Variants in CSMD1 observed in about 807,000 individuals in gnomAD.
CSMD1 encodes the protein CUB and sushi domain-containing protein 1.
CSMD1 carries 213 observed loss-of-function variants against 417.5 expected under a neutral mutation model. The ratio of observed to expected loss-of-function variants is 0.51; its 90% confidence interval spans 0.46 to 0.57. The LOEUF (loss-of-function observed/expected upper bound fraction) is 0.57. Among genes scored for constraint, CSMD1 ranks in the 20% least tolerant of loss-of-function variants. The probability of loss-of-function intolerance (pLI) is 0.00; values close to 1 mark genes in which losing one functional copy is unlikely to be tolerated. For synonymous variants in CSMD1, 2,862 were observed against 1,736.8 expected (o/e 1.65, Z -16.11); for missense variants, 6,923 against 4,529.7 (o/e 1.53, Z -15.17).
intron 3 of CSMD1, among the ~76,000 whole-genome samples, chr8:4,050,832 T>C (rs1798387179): frequency 6.6e-6 from 1 of 152,196 alleles, no homozygotes; most frequent in Non-Finnish European, 1.5e-5. Context: ...TGCCAATTTT[T>C]AAAATTTTAG....
At chr8:4,163,963 T>G (rs935942470) in intron 3 of CSMD1, among the ~76,000 whole-genome samples, 1 of 152,154 alleles carries the variant, frequency 6.6e-6, no homozygotes, top group Non-Finnish European at 1.5e-5. Context: ...TCAAATTAAT[T>G]TTAGGGTGGT....
chr8:4,065,924 T>C (rs891546966), intron 3 of CSMD1, among the ~76,000 whole-genome samples: 2 of 151,998 alleles, frequency 1.3e-5, no homozygotes, highest in African/African-American at 4.8e-5. Context: ...CAGGGAAAAA[T>C]GAGAGTTAGA....
chr8:4,127,856 G>T (rs556968656), intron 3 of CSMD1, among the ~76,000 whole-genome samples: 1 of 152,092 alleles, frequency 6.6e-6, no homozygotes, highest in Non-Finnish European at 1.5e-5. Flanking sequence ...TTTTGCAGAT[G>T]AAGAAACCCA....
rs151063631 is a variant in CSMD1 at position 4,958,034 on chromosome 8, G to C, written c.85+36298C>G. 3.9e-3 allele frequency among the ~76,000 whole-genome samples: 597 copies of C among 152,286 alleles called. 4 individuals carry two copies. Among genetic ancestry groups the C allele is most frequent in the East Asian group, 4.6e-3 (24 of 5,180 alleles). The stretch of plus-strand genomic sequence containing the variant: ...TTCAAGTCACGACGTTGAGGAGAAA[G>C]CATCTTTAGCATTCATTTGATAAGA... On this transcript the variant is annotated intron_variant, in intron 1 of 69. Transcript: ENST00000635120.
chr8:3,694,617 G>A (rs573999537), intron 7 of CSMD1, among the ~76,000 whole-genome samples: 1 of 151,992 alleles, frequency 6.6e-6, no homozygotes, highest in African/African-American at 2.4e-5. Flanking sequence ...GAAGGACCCA[G>A]CCCTGGGCAT....
chr8:4,185,454 A>T (rs1272270731), intron 3 of CSMD1, among the ~76,000 whole-genome samples: 19 of 152,170 alleles, frequency 1.2e-4, no homozygotes, highest in Admixed American at 1.2e-3. Flanking sequence ...TTTTAAAAAC[A>T]GCATACACCA....
chr8:4,227,152 T>G lies in CSMD1; in HGVS notation c.415+192801A>C, dbSNP rs532296074. ...AAGGGTTTTTTAGCCCAGAAAGCAC[T>G]CAGGCTGCCTCTTTGCCTGCCCTCA... On this transcript the variant is annotated intron_variant, in intron 3 of 69. Transcript: ENST00000635120. Among the ~76,000 whole-genome samples the G allele has an allele frequency of 3.9e-5, 6 of 152,216 alleles. No homozygotes were observed. The East Asian group carries it at 1.2e-3, about 29-fold the overall frequency.
At chr8:3,626,543 TATA>T (rs1266515195) in intron 7 of CSMD1, among the ~76,000 whole-genome samples, 5 of 151,796 alleles carry the variant, frequency 3.3e-5, no homozygotes, top group African/African-American at 1.2e-4. Flanking sequence ...TTATGTAAAA[TATA>T]ATAATTAAAT....
chr8:4,959,030 A>T (rs2117322125), intron 1 of CSMD1, among the ~76,000 whole-genome samples: 1 of 152,346 alleles, frequency 6.6e-6, no homozygotes, highest in East Asian at 1.9e-4. Flanking sequence ...GAGATTATCA[A>T]GCCATGCTAT....
At position 4,004,662 on chromosome 8, in the gene CSMD1, G is replaced by C. The variant is rs147138378; in HGVS notation, c.611-6552C>G. Among the ~76,000 whole-genome samples, 467 of 152,128 alleles carry C rather than the reference G, an allele frequency of 3.1e-3. 13 individuals carry two copies. In the East Asian group the frequency reaches 0.056, roughly 18 times the overall value. On this transcript the variant is annotated intron_variant, in intron 4 of 69. Coordinates refer to ENST00000635120, the MANE Select transcript of CSMD1 (RefSeq NM_033225.6). ...TTTCAATAAATTTGTGTATGAAATAGTCACTTTCTTAAAAAGATTCAGCTG... is the reference window on the plus strand; with the variant it reads ...TTTCAATAAATTTGTGTATGAAATACTCACTTTCTTAAAAAGATTCAGCTG...
At chr8:3,149,549 C>A (rs527623970) in intron 40 of CSMD1, among the ~76,000 whole-genome samples, 2 of 152,308 alleles carry the variant, frequency 1.3e-5, no homozygotes, top group South Asian at 4.1e-4. Flanking sequence ...GTGATCGTGG[C>A]TCACTGCAAC....
At chr8:4,014,382 C>T (rs149531926) in intron 4 of CSMD1, among the ~76,000 whole-genome samples, 3 of 152,100 alleles carry the variant, frequency 2.0e-5, no homozygotes, top group African/African-American at 4.8e-5. Flanking sequence ...TATGTCAATG[C>T]ACATAGAAGT....
chr8:3,602,792 C>G (rs1394715974), intron 8 of CSMD1, among the ~76,000 whole-genome samples: 1 of 151,612 alleles, frequency 6.6e-6, no homozygotes, highest in East Asian at 1.9e-4. Flanking sequence ...CATTTATATT[C>G]AAATAGTCCC....
chr8:3,962,869 C>T (rs748787066), intron 5 of CSMD1, among the ~76,000 whole-genome samples: 1 of 152,130 alleles, frequency 6.6e-6, no homozygotes, highest in Non-Finnish European at 1.5e-5. Context: ...ATTATTCAAG[C>T]TGTAAAACAA....
At chr8:3,543,440 G>A (rs1798527472) in intron 10 of CSMD1, among the ~76,000 whole-genome samples, 1 of 152,246 alleles carries the variant, frequency 6.6e-6, no homozygotes, top group Non-Finnish European at 1.5e-5. Context: ...GGGCAGAAAT[G>A]AGTTAGGAGA....
chr8:3,265,042 C>A (rs954213235), intron 26 of CSMD1, among the ~76,000 whole-genome samples: 2 of 152,274 alleles, frequency 1.3e-5, no homozygotes, highest in South Asian at 2.1e-4. Context: ...GGAAAAGCAT[C>A]TTTAGGGCAC....
chr8:3,605,616 T>C (rs1036602216), intron 8 of CSMD1, among the ~76,000 whole-genome samples: 1 of 152,192 alleles, frequency 6.6e-6, no homozygotes, highest in Admixed American at 6.5e-5. Context: ...CTCCTTCCGT[T>C]TGATGACACA....
chr8:3,531,911 A>G (rs571661765), intron 10 of CSMD1, among the ~76,000 whole-genome samples: 1 of 152,308 alleles, frequency 6.6e-6, no homozygotes, highest in East Asian at 1.9e-4. Flanking sequence ...CACAGTAAGA[A>G]AGAAATGAGC....
At chr8:3,887,556 A>G (rs957185633) in intron 5 of CSMD1, among the ~76,000 whole-genome samples, 1 of 152,188 alleles carries the variant, frequency 6.6e-6, no homozygotes, top group Non-Finnish European at 1.5e-5. Context: ...AACCAATTAA[A>G]TTAGAATTCC....
Sources: gnomAD v4.1 joint callset for allele counts (sites outside exome capture counted in the v4.1 genomes callset) on GRCh38, gnomAD v4.1.1 for gene constraint, MANE v1.5 for transcripts, NCBI Gene and HGNC (gene_info 2026-07-23, HGNC 2026-07-21) for gene names.